The following AATF variants were observed in gnomAD, a reference collection of about 807,000 sequenced individuals.
AATF encodes the protein apoptosis antagonizing transcription factor.
A neutral mutation model predicts 63.7 loss-of-function variants in AATF; 48 were observed. The ratio of observed to expected loss-of-function variants is 0.75; its 90% confidence interval spans 0.60 to 0.96. AATF has a LOEUF of 0.96. AATF is among the 40% of genes least tolerant of loss of function. The probability of loss-of-function intolerance (pLI) is 0.00; values close to 1 mark genes in which losing one functional copy is unlikely to be tolerated. For synonymous variants in AATF, 258 were observed against 247.7 expected (o/e 1.04, Z -0.39); for missense variants, 639 against 685.7 (o/e 0.93, Z 0.76).
At chr17:37,034,261 A>T (rs941203246) in intron 11 of AATF, among the ~76,000 whole-genome samples, 1 of 152,226 alleles carries the variant, frequency 6.6e-6, no homozygotes, top group Non-Finnish European at 1.5e-5. Context: ...TGGGTACAGT[A>T]AATAGGAACT....
At chr17:37,029,479 C>T (rs112481828) in intron 10 of AATF, among the ~76,000 whole-genome samples, 17,721 of 151,986 alleles carry the variant, frequency 0.12, 1,305 homozygotes, top group Non-Finnish European at 0.16. Flanking sequence ...AACTCCTGAC[C>T]TCAGGTGATC....
At chr17:36,986,042 G>T (rs1051811815) in intron 4 of AATF, among the ~76,000 whole-genome samples, 3 of 152,160 alleles carry the variant, frequency 2.0e-5, no homozygotes, top group Non-Finnish European at 2.9e-5. Flanking sequence ...ATGTGAACAG[G>T]AACTTTTCCA....
chr17:37,001,487 A>G (rs543644488), intron 8 of AATF, among the ~76,000 whole-genome samples: 121 of 151,968 alleles, frequency 8.0e-4, no homozygotes, highest in Non-Finnish European at 1.4e-3. Context: ...AAAAAGGATT[A>G]CACACCATGA....
chr17:37,025,671 A>G (rs1178595045), intron 10 of AATF, among the ~76,000 whole-genome samples: 1 of 152,238 alleles, frequency 6.6e-6, no homozygotes, highest in Non-Finnish European at 1.5e-5. Context: ...ACTGCAAACT[A>G]AAACTTTCCA....
Position 36,985,516 on chromosome 17 carries a change from T to C in AATF, c.833-1101T>C, listed in dbSNP as rs187303560. Among the ~76,000 whole-genome samples the C allele has an allele frequency of 1.4e-3, 209 of 150,764 alleles. 1 individual carries two copies. Among genetic ancestry groups the C allele is most frequent in the African/African-American group, 4.6e-3 (187 of 41,018 alleles). On this transcript the variant is annotated intron_variant, in intron 4 of 11. Transcript: ENST00000619387. ...GAGGCTGGTCTTGAAACTCCTGGAC[T>C]CAAGCAGTCCTCCCCGAGGACCAGT...
intron 4 of AATF, among the ~76,000 whole-genome samples, chr17:36,972,076 G>A (rs532056601): frequency 1.3e-5 from 2 of 152,148 alleles, no homozygotes; most frequent in Middle Eastern, 3.4e-3. Context: ...GAGGGAGGGG[G>A]TATATGTGTG....
At chr17:36,985,248 A>G (rs2071158804) in intron 4 of AATF, among the ~76,000 whole-genome samples, 1 of 151,744 alleles carries the variant, frequency 6.6e-6, no homozygotes, top group African/African-American at 2.4e-5. Context: ...CTGGCTGAGG[A>G]TGAGGTTTGT....
In AATF at chr17:36,975,105, A is replaced by G. The variant is rs147429406; in HGVS notation, c.833-11512A>G. Among the ~76,000 whole-genome samples the G allele has an allele frequency of 6.0e-3, 908 of 152,180 alleles. 6 individuals carry two copies. The highest frequency in any genetic ancestry group is 0.021 in the African/African-American group (872 of 41,524). ...AGATTGTGAAAGTATTATTTTTCCC[A>G]CTCGTAAAAGTGTCCTCTAGAGATA... On this transcript the variant is annotated intron_variant, in intron 4 of 11. Transcript: ENST00000619387.
chr17:37,031,546 T>C (rs1013384352), intron 10 of AATF, 68 bp from the exon 11 acceptor site: 2 of 1,274,530 alleles, frequency 1.6e-6, no homozygotes, highest in East Asian at 2.3e-5. Context: ...GTTAACTCAC[T>C]GAATGTGTTT....
intron 8 of AATF, among the ~76,000 whole-genome samples, chr17:37,013,543 A>G (rs1245429469): frequency 6.6e-6 from 1 of 152,124 alleles, no homozygotes; most frequent in Non-Finnish European, 1.5e-5. Flanking sequence ...AGGCTAGAGG[A>G]CTGAGGCATG....
chr17:37,020,831 T>C, intron 9 of AATF, 103 bp from the exon 10 acceptor site: 1 of 901,408 alleles, frequency 1.1e-6, no homozygotes, highest in Non-Finnish European at 1.6e-6. Flanking sequence ...TGATGTAGGT[T>C]GATGATTTCT....
intron 10 of AATF, among the ~76,000 whole-genome samples, chr17:37,025,586 A>T (rs2071505258): frequency 6.6e-6 from 1 of 152,206 alleles, no homozygotes; most frequent in African/African-American, 2.4e-5. Flanking sequence ...GAGAAATCAC[A>T]AAAGGGCAGC....
intron 10 of AATF, among the ~76,000 whole-genome samples, chr17:37,021,929 C>A (rs2142290207): frequency 6.6e-6 from 1 of 151,850 alleles, no homozygotes; most frequent in South Asian, 2.1e-4. Flanking sequence ...TGAAGGACCA[C>A]AGGGAATGTT....
At chr17:36,985,920 C>G (rs1019478338) in intron 4 of AATF, among the ~76,000 whole-genome samples, 1 of 152,164 alleles carries the variant, frequency 6.6e-6, no homozygotes, top group African/African-American at 2.4e-5. Flanking sequence ...ATTACATATG[C>G]ATCTTATTGG....
chr17:37,026,006 A>T (rs548071075), intron 10 of AATF, among the ~76,000 whole-genome samples: 2 of 152,342 alleles, frequency 1.3e-5, no homozygotes, highest in South Asian at 4.1e-4. Context: ...CAGCACCAGT[A>T]AAAAGACATA....
intron 4 of AATF, among the ~76,000 whole-genome samples, chr17:36,985,442 ATT>A (rs557972342): frequency 3.3e-4 from 43 of 131,962 alleles, no homozygotes; most frequent in Non-Finnish European, 3.5e-4. Flanking sequence ...GCCTGGCTAA[ATT>A]TTTTTTTTTT....
At chr17:37,033,941 A>G (rs2142304013) in intron 11 of AATF, 1 of 154,706 alleles carries the variant, frequency 6.5e-6, no homozygotes, top group South Asian at 2.0e-4. Context: ...CATTGGCCAG[A>G]ACTGTGTTAT....
chr17:37,034,434 C>A (rs557010438), intron 11 of AATF, among the ~76,000 whole-genome samples: 2 of 152,190 alleles, frequency 1.3e-5, no homozygotes, highest in East Asian at 3.9e-4. Flanking sequence ...CCCATTTGTA[C>A]ACCACAAATA....
At chr17:36,952,047 G>A (rs1366399575) in intron 2 of AATF, among the ~76,000 whole-genome samples, 1 of 152,214 alleles carries the variant, frequency 6.6e-6, no homozygotes, top group Non-Finnish European at 1.5e-5. Flanking sequence ...CTAGCACTCT[G>A]TCTACTATAG....
Sources: gnomAD v4.1 joint callset for allele counts (sites outside exome capture counted in the v4.1 genomes callset) on GRCh38, gnomAD v4.1.1 for gene constraint, MANE v1.5 for transcripts, NCBI Gene and HGNC (gene_info 2026-07-23, HGNC 2026-07-21) for gene names.